Variants in ADCY10 observed in about 807,000 individuals in gnomAD.
ADCY10 encodes the protein adenylate cyclase 10, also known as adenylate cyclase type 10.
A neutral mutation model predicts 183.3 loss-of-function variants in ADCY10; 156 were observed. That is an observed-to-expected ratio of 0.85 (90% CI 0.75 to 0.97). The LOEUF is 0.97. ADCY10 is among the 50% of genes least tolerant of loss of function. The pLI is 0.00. For synonymous variants in ADCY10, 645 were observed against 670.0 expected (o/e 0.96, Z 0.58); for missense variants, 1,745 against 1,934.3 (o/e 0.90, Z 1.84).
chr1:167,825,580 G>C (rs1184161882), intron 26 of ADCY10, among the ~76,000 whole-genome samples: 1 of 152,036 alleles, frequency 6.6e-6, no homozygotes, highest in African/African-American at 2.4e-5. Context: ...ACAGGAGTTT[G>C]AGCCCAGCCT....
chr1:167,880,077 T>C (rs1282810285), intron 11 of ADCY10, 38 bp downstream of exon 11: 2 of 1,574,260 alleles, frequency 1.3e-6, no homozygotes, highest in African/African-American at 2.7e-5. Context: ...GTGCTGTGTT[T>C]GCAGAAAGAA....
At chr1:167,888,024 T>A (rs1571410417) in intron 8 of ADCY10, among the ~76,000 whole-genome samples, 1 of 152,214 alleles carries the variant, frequency 6.6e-6, no homozygotes, top group East Asian at 1.9e-4. Context: ...CCCAGCACAA[T>A]TTATTGAAGG....
rs778455837 is a variant in ADCY10, at chr1:167,856,303, A to T, written c.2033T>A (p.Ile678Asn). 3.7e-6 allele frequency: 6 copies of T among 1,613,948 alleles called. No homozygotes were observed. Among genetic ancestry groups the T allele is most frequent in the Non-Finnish European group, 5.1e-6 (6 of 1,179,970 alleles). The change falls in exon 17 of 33, where the codon ATT (isoleucine) becomes AAT (asparagine). Residue 678 changes from isoleucine (I) to asparagine (N), a missense_variant. Coordinates refer to ENST00000367851, the MANE Select transcript of ADCY10 (RefSeq NM_018417.6). ...TACGGCCCTGGCAGCTGCACAGGGA[A>T]TGTTAACGAAGGGACACAGGGACAT... ...IIMSLCPFVN[I>N]PCAAARAVIK...
At chr1:167,913,665 A>G (rs1670291376) in intron 1 of ADCY10, among the ~76,000 whole-genome samples, 1 of 150,886 alleles carries the variant, frequency 6.6e-6, no homozygotes. Flanking sequence ...AGCCCCCTTC[A>G]AGAGGTAGGC....
rs200544496 is a variant in ADCY10 at position 167,880,564 on chromosome 1, G to T, written c.1066C>A (p.Pro356Thr). 1.2e-6 allele frequency: 2 copies of T among 1,614,076 alleles called. No homozygotes were observed. Among genetic ancestry groups the T allele is most frequent in the South Asian group, 1.1e-5 (1 of 91,068 alleles). The stretch of plus-strand genomic sequence containing the variant: ...TCCAGAGCATGAGTGAGCTCGTCAG[G>T]TACCTTTTCCCCAGGGAAGCCAAAG... ...CVFGFPGEKV[P>T]DELTHALECA... Residue 356 changes from proline to threonine, a missense_variant, in exon 10 of 33, where the codon CCT becomes ACT. Coordinates refer to ENST00000367851, the MANE Select transcript of ADCY10 (RefSeq NM_018417.6).
Position 167,824,750 on chromosome 1 carries a change from G to A in ADCY10, c.3856C>T (p.Pro1286Ser), listed in dbSNP as rs771201791. ...ATTTCAATGCCCTCGCCTTTCAGGG[G>A]GAGGTTGAAGATGTGCTCCATGGCC... ...VMAMEHIFNL[P>S]LKGEGIEIVA... Residue 1286 changes from proline (P) to serine (S), a missense_variant, in exon 27 of 33, where the codon CCC (proline) becomes TCC (serine). Transcript: ENST00000367851. 3.1e-6 allele frequency: 5 copies of A among 1,614,082 alleles called. No individual in the cohort carries two copies. The East Asian group carries it at 1.1e-4, about 36-fold the overall frequency.
intron 5 of ADCY10, among the ~76,000 whole-genome samples, chr1:167,900,314 T>C (rs1669309466): frequency 6.6e-6 from 1 of 152,178 alleles, no homozygotes; most frequent in Admixed American, 6.5e-5. Flanking sequence ...TGATTCTACA[T>C]ACAGTTTGTT....
chr1:167,852,579 G>C (rs1389244083), intron 18 of ADCY10, among the ~76,000 whole-genome samples: 1 of 151,850 alleles, frequency 6.6e-6, no homozygotes, highest in Non-Finnish European at 1.5e-5. Context: ...TTAATCCATT[G>C]GCATCTTAAT....
At position 167,878,584 on chromosome 1, in the gene ADCY10, C is replaced by G. The variant is rs545485732; in HGVS notation, c.1268G>C (p.Gly423Ala). The G allele has an allele frequency of 1.2e-6, 2 of 1,614,126 alleles. No individual in the cohort carries two copies. Among genetic ancestry groups the G allele is most frequent in the Non-Finnish European group, 1.7e-6 (2 of 1,180,038 alleles). Reference sequence around the variant, plus strand: ...GGTGACAGAGTCGCAGGTCACAATTCCTGGGTAGTACATCATCATCCTGGC... The same window carrying G: ...GGTGACAGAGTCGCAGGTCACAATTGCTGGGTAGTACATCATCATCCTGGC... ...LAARMMMYYP[G>A]IVTCDSVTYN... Residue 423 changes from glycine (G) to alanine (A), a missense_variant, in exon 12 of 33, where the codon GGA becomes GCA. Transcript: ENST00000367851.
At chr1:167,856,098 T>G (rs1374684094) in intron 17 of ADCY10, 67 bp downstream of exon 17, 2 of 1,555,674 alleles carry the variant, frequency 1.3e-6, no homozygotes, top group African/African-American at 1.4e-5. Flanking sequence ...CTAAGAAATC[T>G]GATGAAGTCT....
intron 31 of ADCY10, among the ~76,000 whole-genome samples, chr1:167,815,181 G>GC (rs1284288942): frequency 6.6e-6 from 1 of 151,966 alleles, no homozygotes; most frequent in Non-Finnish European, 1.5e-5. Flanking sequence ...CTTCAGGTGA[G>GC]CCCCCACAGT....
At chr1:167,827,141 C>T (rs146433738) in intron 26 of ADCY10, among the ~76,000 whole-genome samples, 2 of 151,944 alleles carry the variant, frequency 1.3e-5, no homozygotes, top group East Asian at 3.9e-4. Flanking sequence ...CTAATGACTC[C>T]AGGAGGAAGA....
At chr1:167,884,699 T>A (rs1261578624) in intron 8 of ADCY10, among the ~76,000 whole-genome samples, 1 of 147,198 alleles carries the variant, frequency 6.8e-6, no homozygotes, top group African/African-American at 2.5e-5. Flanking sequence ...TTTTAATTTT[T>A]TTTTTTTTTT....
chr1:167,908,396 G>A (rs1669947843), intron 1 of ADCY10, among the ~76,000 whole-genome samples: 2 of 152,142 alleles, frequency 1.3e-5, no homozygotes, highest in South Asian at 4.1e-4. Flanking sequence ...GCCTGAGGCT[G>A]GGGTTGGGTG....
chr1:167,875,466 G>A (rs912900675), intron 12 of ADCY10, among the ~76,000 whole-genome samples: 2 of 152,176 alleles, frequency 1.3e-5, no homozygotes, highest in African/African-American at 2.4e-5. Flanking sequence ...CCCCTTTCTG[G>A]GGAGATCAGA....
At chr1:167,860,132 G>C (rs1056689730) in intron 15 of ADCY10, among the ~76,000 whole-genome samples, 1 of 152,098 alleles carries the variant, frequency 6.6e-6, no homozygotes, top group Non-Finnish European at 1.5e-5. Context: ...TGTGCACTTT[G>C]CTTCTATTAT....
intron 8 of ADCY10, among the ~76,000 whole-genome samples, chr1:167,884,902 TAGTC>T: frequency 6.6e-6 from 1 of 152,230 alleles, no homozygotes; most frequent in Non-Finnish European, 1.5e-5. Flanking sequence ...TTCACTGTGT[TAGTC>T]AGACTGGTCT....
chr1:167,820,329 G>T, intron 30 of ADCY10: 1 of 967,638 alleles, frequency 1.0e-6, no homozygotes, highest in Non-Finnish European at 1.5e-6. Flanking sequence ...AGCCGGCCTT[G>T]AGGGGCGGGG....
At chr1:167,836,252 C>G (rs757950053) in intron 23 of ADCY10, 57 bp downstream of exon 23, 264 of 1,194,382 alleles carry the variant, frequency 2.2e-4, no homozygotes, top group Non-Finnish European at 3.1e-4. Flanking sequence ...TTCCTTCTGG[C>G]TCTATGTTCT....
Sources: allele counts gnomAD v4.1 joint callset (sites outside exome capture counted in the v4.1 genomes callset), GRCh38; gene constraint gnomAD v4.1.1; transcripts MANE v1.5; gene names NCBI Gene and HGNC (gene_info 2026-07-23, HGNC 2026-07-21).